The following TRPM3 variants were observed in gnomAD, a reference collection of about 807,000 sequenced individuals.
TRPM3 encodes the protein transient receptor potential cation channel subfamily M member 3.
TRPM3 carries 77 observed loss-of-function variants against 181.2 expected under a neutral mutation model. That is an observed-to-expected ratio of 0.42 (90% CI 0.35 to 0.51). The LOEUF is 0.51. Ranked by LOEUF, TRPM3 falls within the 20% of genes least tolerant of loss-of-function variation. The pLI is 0.01. For missense variants in TRPM3, 1,759 were observed against 2,196.7 expected (o/e 0.80, Z 3.98); for synonymous variants, 745 against 796.4 (o/e 0.94, Z 1.09).
chr9:71,193,523 T>A (rs2078158114), intron 1 of TRPM3, among the ~76,000 whole-genome samples: 1 of 151,852 alleles, frequency 6.6e-6, no homozygotes, highest in Non-Finnish European at 1.5e-5. Flanking sequence ...CCCTATTCAA[T>A]CTAAATGACA....
At chr9:70,562,714 C>A (rs912909160) in intron 22 of TRPM3, among the ~76,000 whole-genome samples, 1 of 152,058 alleles carries the variant, frequency 6.6e-6, no homozygotes, top group Non-Finnish European at 1.5e-5. Context: ...TCCTATATAT[C>A]TAGCTTTACC....
Position 70,552,961 on chromosome 9 carries a change from T to G in TRPM3, c.3457A>C (p.Arg1153=). 1 of 1,614,140 alleles carries G rather than the reference T, an allele frequency of 6.2e-7. No individual in the cohort carries two copies. The highest frequency in any genetic ancestry group is 8.5e-7 in the Non-Finnish European group (1 of 1,180,000). The change falls in exon 24 of 26, where the codon AGG becomes CGG. Residue 1153 remains arginine (R), a synonymous_variant. Transcript: ENST00000677713. ...RYQLIMTFHE[R]PVLPPPLIIF... ...ATCAGTGGTGGGGGCAGAACTGGCC[T>G]TTCATGGAAAGTCATGATGAGCTGA...
At chr9:71,327,817 A>C (rs896673050) in intron 1 of TRPM3, among the ~76,000 whole-genome samples, 1 of 152,146 alleles carries the variant, frequency 6.6e-6, no homozygotes, top group Non-Finnish European at 1.5e-5. Flanking sequence ...AAAATGTTTT[A>C]ATGTGTTTAT....
At chr9:71,331,746 AGGAAAAGGGGGAGAAAAAGGAGAAGGG>A (rs2090144842) in intron 1 of TRPM3, among the ~76,000 whole-genome samples, 7 of 92,386 alleles carry the variant, frequency 7.6e-5, no homozygotes, top group East Asian at 3.4e-4. Context: ...AAGGAGGAGG[AGGAAAAGGGGGAGAAAAAGGAGAAGGG>A]GAAGAGGAGG....
At chr9:70,770,360 C>T (rs1456272071) in intron 7 of TRPM3, among the ~76,000 whole-genome samples, 2 of 152,200 alleles carry the variant, frequency 1.3e-5, no homozygotes, top group African/African-American at 4.8e-5. Flanking sequence ...CAACATCTTG[C>T]CCATAGAAGT....
At chr9:70,927,970 C>T (rs757572961) in intron 1 of TRPM3, among the ~76,000 whole-genome samples, 4 of 152,140 alleles carry the variant, frequency 2.6e-5, no homozygotes, top group African/African-American at 4.8e-5. Flanking sequence ...ATTTCCAAGA[C>T]AATAAATATA....
chr9:70,549,536 A>G lies in TRPM3; in HGVS notation c.3707+6T>C. 6.2e-7 allele frequency: 1 copy of G among 1,611,522 alleles called. No homozygotes were observed. Among genetic ancestry groups the G allele is most frequent in the South Asian group, 1.1e-5 (1 of 90,240 alleles). ...TCTGCAGGAGGCAGGTGTCCACAGA[A>G]CACACCTTTCTGAAGTCACCCGTAT... On this transcript the variant is annotated splice_donor_region_variant and intron_variant, in intron 25 of 25. Transcript: ENST00000677713.
chr9:70,755,529 C>T (rs866861247), intron 8 of TRPM3, among the ~76,000 whole-genome samples: 3 of 152,080 alleles, frequency 2.0e-5, no homozygotes, highest in African/African-American at 7.2e-5. Flanking sequence ...CACCACCATG[C>T]CCGGCTAATT....
At chr9:70,856,660 T>G (rs2095396658) in intron 3 of TRPM3, among the ~76,000 whole-genome samples, 1 of 152,166 alleles carries the variant, frequency 6.6e-6, no homozygotes, top group South Asian at 2.1e-4. Context: ...AATAAGGCTT[T>G]CATCCTCTGG....
intron 9 of TRPM3, among the ~76,000 whole-genome samples, chr9:70,640,898 AAAG>A (rs762955138): frequency 6.6e-5 from 10 of 152,168 alleles, no homozygotes; most frequent in East Asian, 3.8e-4. Context: ...AACTTTTTAA[AAAG>A]AAGGTCTTTG....
intron 1 of TRPM3, among the ~76,000 whole-genome samples, chr9:71,092,116 C>A (rs1304695786): frequency 6.6e-6 from 1 of 152,098 alleles, no homozygotes; most frequent in Non-Finnish European, 1.5e-5. Flanking sequence ...CTAGCCCAGC[C>A]TCTGACAGAG....
intron 1 of TRPM3, among the ~76,000 whole-genome samples, chr9:71,329,976 T>G (rs926587092): frequency 6.6e-6 from 1 of 152,012 alleles, no homozygotes; most frequent in East Asian, 1.9e-4. Context: ...GGATGTAAGT[T>G]GGCAGACCAG....
At chr9:70,577,891 C>T (rs554274561) in intron 22 of TRPM3, among the ~76,000 whole-genome samples, 3 of 152,250 alleles carry the variant, frequency 2.0e-5, no homozygotes, top group East Asian at 3.9e-4. Context: ...TCAGGTGGCA[C>T]GAGTGACTTT....
In TRPM3 at chr9:70,906,897, C is replaced by A. The variant is rs2993017; in HGVS notation, c.178-42386G>T. ...CAGCCTGGGCAACAAGAGTGAAACT[C>A]CATCTAGAAAAATAATAATAAAATA... is the stretch of plus-strand genomic sequence containing the variant. On this transcript the variant is annotated intron_variant, in intron 1 of 25. Coordinates refer to ENST00000677713, the MANE Select transcript of TRPM3 (RefSeq NM_001366145.2). Among the ~76,000 whole-genome samples the A allele has an allele frequency of 3.7e-3, 565 of 151,976 alleles. 7 individuals carry two copies. The highest frequency in any genetic ancestry group is 0.013 in the African/African-American group (551 of 41,444).
chr9:70,842,179 C>T (rs1279807120), intron 5 of TRPM3, among the ~76,000 whole-genome samples: 6 of 151,788 alleles, frequency 4.0e-5, no homozygotes, highest in African/African-American at 1.5e-4. Context: ...CACTCAAATG[C>T]ATCACAGTCT....
chr9:70,545,944 T>G (rs1300568325), intron 25 of TRPM3, among the ~76,000 whole-genome samples: 1 of 152,176 alleles, frequency 6.6e-6, no homozygotes, highest in Non-Finnish European at 1.5e-5. Flanking sequence ...CAAATCAAGG[T>G]TGGGTGTAAC....
chr9:71,024,521 G>A (rs1372196945), intron 1 of TRPM3, among the ~76,000 whole-genome samples: 1 of 151,994 alleles, frequency 6.6e-6, no homozygotes, highest in Non-Finnish European at 1.5e-5. Context: ...ATGTGGTAGA[G>A]TATAATTCTT....
chr9:70,657,704 T>C (rs1337340644), intron 9 of TRPM3, among the ~76,000 whole-genome samples: 2 of 152,166 alleles, frequency 1.3e-5, no homozygotes, highest in Admixed American at 6.6e-5. Flanking sequence ...TGACATTGAG[T>C]TACAGGGCTT....
At chr9:71,049,309 T>C (rs2059804173) in intron 1 of TRPM3, among the ~76,000 whole-genome samples, 1 of 152,108 alleles carries the variant, frequency 6.6e-6, no homozygotes, top group Non-Finnish European at 1.5e-5. Context: ...ATTCTCAGGG[T>C]CAGACTTGTA....
Sources: allele counts gnomAD v4.1 joint callset (sites outside exome capture counted in the v4.1 genomes callset), GRCh38; gene constraint gnomAD v4.1.1; transcripts MANE v1.5; gene names NCBI Gene and HGNC (gene_info 2026-07-23, HGNC 2026-07-21).